Variants in TBC1D14 observed in about 807,000 individuals in gnomAD.
The protein encoded by TBC1D14 is TBC1 domain family, member 14.
Under a neutral mutation model 79.0 loss-of-function variants are expected in TBC1D14, and 26 were observed. The observed-to-expected ratio is 0.33, with a 90% confidence interval of 0.24 to 0.46. The LOEUF is 0.46. Among genes scored for constraint, TBC1D14 ranks in the 20% least tolerant of loss-of-function variants. The pLI is 1.00. For missense variants in TBC1D14, 769 were observed against 887.6 expected, an observed-to-expected ratio of 0.87 and a Z score of 1.70; for synonymous variants, 394 against 349.9, an observed-to-expected ratio of 1.13 and a Z score of -1.40.
intron 7 of TBC1D14, 90 bp from the exon 8 acceptor site, chr4:7,004,754 A>G: frequency 2.5e-6 from 3 of 1,184,602 alleles, no homozygotes; most frequent in South Asian, 2.5e-5. Context: ...GTTGAACTTA[A>G]GTATTTGGAG....
intron 13 of TBC1D14, among the ~76,000 whole-genome samples, chr4:7,029,759 A>C (rs1483878828): frequency 6.6e-6 from 1 of 152,236 alleles, no homozygotes; most frequent in Non-Finnish European, 1.5e-5. Flanking sequence ...CGGGGGTCAG[A>C]GATTACAGTG....
intron 1 of TBC1D14, among the ~76,000 whole-genome samples, chr4:6,916,787 G>A (rs746061656): frequency 1.3e-5 from 2 of 152,160 alleles, no homozygotes; most frequent in South Asian, 2.1e-4. Flanking sequence ...TCTCTTGGCC[G>A]GAAGGTGATG....
chr4:6,999,569 G>A (rs1719443292), intron 6 of TBC1D14, among the ~76,000 whole-genome samples: 1 of 152,028 alleles, frequency 6.6e-6, no homozygotes, highest in African/African-American at 2.4e-5. Flanking sequence ...CCTCACCCTC[G>A]GATGCCTCTC....
intron 2 of TBC1D14, among the ~76,000 whole-genome samples, chr4:6,948,122 T>C (rs1306238378): frequency 1.3e-5 from 2 of 152,114 alleles, no homozygotes; most frequent in Admixed American, 6.5e-5. Flanking sequence ...TAGCATGTAT[T>C]GAAATTTTAT....
intron 2 of TBC1D14, chr4:6,954,134 G>A: frequency 1.6e-6 from 1 of 606,096 alleles, no homozygotes; most frequent in South Asian, 1.9e-5. Context: ...CCTTTCCGCC[G>A]GCCTGCTGGG....
intron 2 of TBC1D14, among the ~76,000 whole-genome samples, chr4:6,931,003 C>T (rs1362043015): frequency 2.6e-5 from 4 of 152,076 alleles, no homozygotes; most frequent in Non-Finnish European, 5.9e-5. Context: ...CGGGTTCAAA[C>T]GCTTCTCCTG....
rs531617201 is a variant in TBC1D14 at position 7,031,147 on chromosome 4, A to T, written c.*755A>T. On this transcript the variant is annotated 3_prime_UTR_variant, in exon 14 of 14. Coordinates refer to ENST00000409757, the MANE Select transcript of TBC1D14 (RefSeq NM_020773.3). Reference sequence around the variant, plus strand: ...GCGAGGAAGCCCTGTGGCAATAGAGATAGGCTTAAAAGCGGAGAGAACACA... The same window carrying T: ...GCGAGGAAGCCCTGTGGCAATAGAGTTAGGCTTAAAAGCGGAGAGAACACA... 6.6e-6 allele frequency: 1 copy of T among 152,468 alleles called. No homozygotes were observed. The highest frequency in any genetic ancestry group is 2.1e-4 in the South Asian group (1 of 4,828). 9.4% of individuals were successfully genotyped at this position (152,468 alleles called of 1,614,324 possible).
intron 5 of TBC1D14, among the ~76,000 whole-genome samples, chr4:6,996,616 C>T (rs1719073699): frequency 6.6e-6 from 1 of 152,008 alleles, no homozygotes; most frequent in South Asian, 2.1e-4. Flanking sequence ...ACTGCAGGGA[C>T]TCGGGGGGAT....
chr4:7,011,837 C>T (rs1221234879), intron 11 of TBC1D14, among the ~76,000 whole-genome samples: 4 of 151,462 alleles, frequency 2.6e-5, no homozygotes, highest in African/African-American at 4.8e-5. Flanking sequence ...GGATTACAGG[C>T]GTGAGCCACT....
At chr4:6,964,217 G>A (rs567883229) in intron 2 of TBC1D14, among the ~76,000 whole-genome samples, 3 of 152,236 alleles carry the variant, frequency 2.0e-5, no homozygotes, top group South Asian at 4.2e-4. Context: ...CTGCCAGCCC[G>A]TTTCAGTGAA....
chr4:6,994,426 C>T, intron 4 of TBC1D14, 124 bp downstream of exon 4: 4 of 812,676 alleles, frequency 4.9e-6, no homozygotes, highest in Non-Finnish European at 8.3e-6. Flanking sequence ...AGAATCACTT[C>T]TTATTCTCTA....
At chr4:7,001,064 G>C in intron 6 of TBC1D14, 81 bp from the exon 7 acceptor site, 1 of 1,173,276 alleles carries the variant, frequency 8.5e-7, no homozygotes. Context: ...CCCAGCTCTT[G>C]GTGGTTCGGG....
At position 6,977,083 on chromosome 4, in the gene TBC1D14, C is replaced by CCACGG. The variant is rs1560299733; in HGVS notation, c.843+9659_843+9660insCACGG. ...CTCCCTCCTCTCCCTCTCCCTCTCC[C>CCACGG]TCTCCCCACTGTCTCCCTCTCCCCA... is the stretch of plus-strand genomic sequence containing the variant. On this transcript the variant is annotated intron_variant, in intron 3 of 13. Transcript: ENST00000409757. Among the ~76,000 whole-genome samples the CCACGG allele has an allele frequency of 9.7e-3, 297 of 30,636 alleles. 76 individuals carry two copies. The highest frequency in any genetic ancestry group is 0.022 in the African/African-American group (272 of 12,478). 20.1% of individuals were successfully genotyped at this position (30,636 alleles called of 152,430 possible). A position where few individuals can be genotyped will look rare whatever the true frequency, so the allele number is the denominator to read the frequency against.
At chr4:6,940,276 A>G (rs1712778515) in intron 2 of TBC1D14, among the ~76,000 whole-genome samples, 1 of 152,246 alleles carries the variant, frequency 6.6e-6, no homozygotes, top group South Asian at 2.1e-4. Flanking sequence ...TCCACCATGC[A>G]GGAAGTTCTG....
intron 2 of TBC1D14, among the ~76,000 whole-genome samples, chr4:6,944,083 C>G (rs1361053580): frequency 6.6e-6 from 1 of 152,108 alleles, no homozygotes; most frequent in African/African-American, 2.4e-5. Context: ...AGATACGTTT[C>G]TTAAAGCTTC....
chr4:7,030,256 C>G, intron 13 of TBC1D14, 71 bp from the exon 14 acceptor site: 2 of 1,498,900 alleles, frequency 1.3e-6, no homozygotes, highest in South Asian at 2.3e-5. Flanking sequence ...CTACTGCTGT[C>G]TCTGCTTCGC....
chr4:6,995,201 G>C (rs951705177), intron 4 of TBC1D14: 9 of 152,172 alleles, frequency 5.9e-5, no homozygotes, highest in African/African-American at 2.2e-4. Context: ...GGTTTTGAAG[G>C]TATACCAAGA....
At position 7,007,644 on chromosome 4, in the gene TBC1D14, C is replaced by T. The variant is rs118076446; in HGVS notation, c.1446+918C>T. On this transcript the variant is annotated intron_variant, in intron 9 of 13. Coordinates refer to ENST00000409757, the MANE Select transcript of TBC1D14 (RefSeq NM_020773.3). ...GTGTCTGGTGCGTGAGCCCAGCGAG[C>T]ACCCCACTGGCTTGCAGCAGGCAGT... The T allele has an allele frequency of 4.3e-4, 545 of 1,276,524 alleles. 10 individuals carry two copies. The East Asian group carries it at 0.023, about 54-fold the overall frequency. 79.1% of individuals were successfully genotyped at this position (1,276,524 alleles called of 1,614,324 possible). A position where few individuals can be genotyped will look rare whatever the true frequency, so the allele number is the denominator to read the frequency against.
chr4:6,991,406 C>T (rs886131553), intron 3 of TBC1D14, among the ~76,000 whole-genome samples: 2 of 152,220 alleles, frequency 1.3e-5, no homozygotes, highest in Non-Finnish European at 2.9e-5. Flanking sequence ...GGGTAAGTCA[C>T]GGACACCTCT....
Sources: gnomAD v4.1 joint callset for allele counts (sites outside exome capture counted in the v4.1 genomes callset) on GRCh38, gnomAD v4.1.1 for gene constraint, MANE v1.5 for transcripts, NCBI Gene and HGNC (gene_info 2026-07-23, HGNC 2026-07-21) for gene names.